Variants in ARHGAP42 observed in about 807,000 individuals in gnomAD.
ARHGAP42 encodes rho GTPase-activating protein 42.
In ARHGAP42, 63 loss-of-function variants were observed where a neutral mutation model predicts 125.0. The observed-to-expected ratio is 0.50, with a 90% CI of 0.41 to 0.62. The LOEUF is 0.62. ARHGAP42 is among the 20% of genes least tolerant of loss of function. ARHGAP42 has a pLI of 0.00. For missense variants in ARHGAP42, 766 were observed against 1,024.2 expected (o/e 0.75, Z 3.44); for synonymous variants, 339 against 351.0 (o/e 0.97, Z 0.38).
At chr11:100,746,565 A>G (rs1388151982) in intron 1 of ARHGAP42, among the ~76,000 whole-genome samples, 1 of 152,196 alleles carries the variant, frequency 6.6e-6, no homozygotes, top group African/African-American at 2.4e-5. Context: ...CCCTGTTTCA[A>G]TGGCTGTGGT....
At chr11:100,775,960 G>A (rs1475307456) in intron 2 of ARHGAP42, among the ~76,000 whole-genome samples, 1 of 152,042 alleles carries the variant, frequency 6.6e-6, no homozygotes, top group Non-Finnish European at 1.5e-5. Context: ...GGGAGTTCGA[G>A]ACCAGCCTGA....
At chr11:100,979,931 T>C (rs1242553441) in intron 22 of ARHGAP42, among the ~76,000 whole-genome samples, 1 of 152,216 alleles carries the variant, frequency 6.6e-6, no homozygotes, top group Non-Finnish European at 1.5e-5. Context: ...TTTAACCAAA[T>C]AATTTTTATC....
intron 17 of ARHGAP42, among the ~76,000 whole-genome samples, chr11:100,972,516 T>TTGGA (rs111816630): frequency 0.2 from 29,446 of 150,204 alleles, 3,459 homozygotes; most frequent in East Asian, 0.46. Context: ...CAGGGAAGTT[T>TTGGA]TGGATGGATG....
intron 16 of ARHGAP42, 80 bp downstream of exon 16, chr11:100,962,547 A>G: frequency 1.6e-6 from 2 of 1,243,622 alleles, no homozygotes; most frequent in Non-Finnish European, 2.2e-6. Flanking sequence ...TACTAGTATC[A>G]GCTAGTGAAG....
intron 3 of ARHGAP42, among the ~76,000 whole-genome samples, chr11:100,826,670 T>C (rs1479072041): frequency 6.6e-6 from 1 of 152,172 alleles, no homozygotes; most frequent in Non-Finnish European, 1.5e-5. Flanking sequence ...TTACAAGATC[T>C]CTAAACCCCC....
intron 1 of ARHGAP42, among the ~76,000 whole-genome samples, chr11:100,709,589 G>T (rs945841713): frequency 1.3e-5 from 2 of 152,144 alleles, no homozygotes; most frequent in Non-Finnish European, 2.9e-5. Flanking sequence ...TAACTGAAAT[G>T]GTGGAAAGCA....
chr11:100,982,799 G>T (rs1858577421), intron 22 of ARHGAP42, among the ~76,000 whole-genome samples: 2 of 152,114 alleles, frequency 1.3e-5, no homozygotes, highest in Non-Finnish European at 2.9e-5. Flanking sequence ...ATTTTGCTTA[G>T]AATTACAAAG....
At chr11:100,984,787 G>C (rs1467967016) in intron 22 of ARHGAP42, among the ~76,000 whole-genome samples, 1 of 151,970 alleles carries the variant, frequency 6.6e-6, no homozygotes, top group Non-Finnish European at 1.5e-5. Flanking sequence ...AGAGAGATTA[G>C]AATCTTCTGA....
At chr11:100,779,113 C>A (rs1443678079) in intron 2 of ARHGAP42, among the ~76,000 whole-genome samples, 1 of 152,038 alleles carries the variant, frequency 6.6e-6, no homozygotes, top group East Asian at 1.9e-4. Context: ...AAATGAATCA[C>A]TTTAGGGTAA....
chr11:100,730,753 ATAGAATGTATT>A (rs1861941839), intron 1 of ARHGAP42, among the ~76,000 whole-genome samples: 1 of 152,222 alleles, frequency 6.6e-6, no homozygotes, highest in Non-Finnish European at 1.5e-5. Context: ...TGTGAACATC[ATAGAATGTATT>A]TACAAAAACC....
intron 1 of ARHGAP42, among the ~76,000 whole-genome samples, chr11:100,747,798 TACA>T (rs1048778943): frequency 1.3e-5 from 2 of 150,600 alleles, no homozygotes; most frequent in African/African-American, 2.5e-5. Flanking sequence ...TTTTAAATTA[TACA>T]ACATTTCTTG....
chr11:100,885,835 T>C (rs1401266241), intron 4 of ARHGAP42, among the ~76,000 whole-genome samples: 1 of 152,164 alleles, frequency 6.6e-6, no homozygotes, highest in Non-Finnish European at 1.5e-5. Flanking sequence ...AATGAAATTA[T>C]AAGTTAAGGT....
intron 1 of ARHGAP42, among the ~76,000 whole-genome samples, chr11:100,688,418 C>T (rs1181797110): frequency 6.6e-6 from 1 of 152,106 alleles, no homozygotes; most frequent in Non-Finnish European, 1.5e-5. Flanking sequence ...TTTTGGTTTG[C>T]ATTGTGTGGG....
chr11:100,841,605 G>A (rs547379491), intron 3 of ARHGAP42, among the ~76,000 whole-genome samples: 2 of 152,146 alleles, frequency 1.3e-5, no homozygotes, highest in African/African-American at 2.4e-5. Context: ...CAAGACCTTC[G>A]GTGCTCTGTA....
At chr11:100,819,783 A>G (rs1013193394) in intron 3 of ARHGAP42, among the ~76,000 whole-genome samples, 1 of 152,170 alleles carries the variant, frequency 6.6e-6, no homozygotes, top group African/African-American at 2.4e-5. Context: ...AGCTTTCCAA[A>G]TCTGTATCCA....
rs951876065 is a variant in ARHGAP42 at position 100,703,029 on chromosome 11, C to T, written c.154+15197C>T. Among the ~76,000 whole-genome samples, 28 of 152,080 alleles carry T rather than the reference C, an allele frequency of 1.8e-4. 2 individuals are homozygous for T. The highest frequency in any genetic ancestry group is 6.5e-4 in the African/African-American group (27 of 41,400). On this transcript the variant is annotated intron_variant, in intron 1 of 23. Transcript: ENST00000298815. ...TGCTCAGTAACTACTGAATATCAACCAGTTTGCATTTTACTAAGAGCATGA... is the reference window on the plus strand; with the variant it reads ...TGCTCAGTAACTACTGAATATCAACTAGTTTGCATTTTACTAAGAGCATGA...
chr11:100,832,906 T>C (rs1216330913), intron 3 of ARHGAP42, among the ~76,000 whole-genome samples: 1 of 152,184 alleles, frequency 6.6e-6, no homozygotes, highest in Admixed American at 6.5e-5. Context: ...GGATTTTGAA[T>C]GGGTATGCTG....
At chr11:100,907,332 C>A (rs1349208157) in intron 4 of ARHGAP42, among the ~76,000 whole-genome samples, 1 of 152,192 alleles carries the variant, frequency 6.6e-6, no homozygotes, top group East Asian at 1.9e-4. Flanking sequence ...TTGCTTCTTT[C>A]TGTCCAGTTT....
chr11:100,909,979 C>G (rs1866865131), intron 4 of ARHGAP42, among the ~76,000 whole-genome samples: 1 of 152,114 alleles, frequency 6.6e-6, no homozygotes, highest in African/African-American at 2.4e-5. Flanking sequence ...AGTTTCCTTC[C>G]ATTCCTCATT....
Sources: allele counts gnomAD v4.1 joint callset (sites outside exome capture counted in the v4.1 genomes callset), GRCh38; gene constraint gnomAD v4.1.1; transcripts MANE v1.5; gene names NCBI Gene and HGNC (gene_info 2026-07-23, HGNC 2026-07-21).